The following TP73 variants were observed in gnomAD, a reference collection of about 807,000 sequenced individuals.
TP73 encodes tumor protein p73.
In TP73, 25 loss-of-function variants were observed where a neutral mutation model predicts 62.5. That is an observed-to-expected ratio of 0.40 (90% confidence interval 0.29 to 0.56). The LOEUF (loss-of-function observed/expected upper bound fraction) is 0.56, where lower values mean the gene tolerates loss of function less well. TP73 is among the 20% of genes least tolerant of loss of function. The pLI, the probability that TP73 is intolerant of heterozygous loss-of-function variation, is 0.46. For missense variants in TP73, 754 were observed against 913.3 expected, an observed-to-expected ratio of 0.83 and a Z score of 2.25; for synonymous variants, 423 against 377.5, an observed-to-expected ratio of 1.12 and a Z score of -1.40.
chr1:3,704,400 A>G (rs530419027), intron 3 of TP73, among the ~76,000 whole-genome samples: 1 of 151,552 alleles, frequency 6.6e-6, no homozygotes, highest in African/African-American at 2.4e-5. Flanking sequence ...ACACACCCCC[A>G]CCCTGTGTGG....
intron 4 of TP73, among the ~76,000 whole-genome samples, chr1:3,718,571 G>T (rs1447777301): frequency 7.3e-6 from 1 of 136,624 alleles, no homozygotes; most frequent in Non-Finnish European, 1.6e-5. Flanking sequence ...GGGAGGGGCT[G>T]CAGGGGCCAG....
At chr1:3,678,332 A>G (rs1645420878) in intron 1 of TP73, among the ~76,000 whole-genome samples, 2 of 152,246 alleles carry the variant, frequency 1.3e-5, no homozygotes. Flanking sequence ...GGCAGAGGGC[A>G]CATACTCCCC....
At position 3,727,186 on chromosome 1, in the gene TP73, G is replaced by A. The variant is rs1395870156; in HGVS notation, c.804G>A (p.Arg268=). 4 of 1,612,234 alleles carry A rather than the reference G, an allele frequency of 2.5e-6. No individual in the cohort carries two copies. Among genetic ancestry groups the A allele is most frequent in the South Asian group, 1.1e-5 (1 of 91,078 alleles). ...GCAGCTGTGTAGGGGGCATGAACCG[G>A]CGGCCCATCCTCATCATCATCACCC... ...CNSSCVGGMN[R]RPILIIITLE... is the part of the protein sequence containing the mutation. The change falls in exon 7 of 14, where the codon CGG becomes CGA. Residue 268 remains arginine (R), a synonymous_variant. Coordinates refer to ENST00000378295, the MANE Select transcript of TP73 (RefSeq NM_005427.4).
chr1:3,695,430 C>T (rs560432386), intron 3 of TP73, among the ~76,000 whole-genome samples: 41 of 152,344 alleles, frequency 2.7e-4, no homozygotes, highest in Admixed American at 5.2e-4. Context: ...CCTGTCTCGC[C>T]GCAGGGCCTG....
rs984932956 is a variant in TP73, at chr1:3,734,334, TGA to T, written c.*1257_*1258del. 5 of 152,422 alleles carry T rather than the reference TGA, an allele frequency of 3.3e-5. No homozygotes were observed. The highest frequency in any genetic ancestry group is 1.2e-4 in the African/African-American group (5 of 41,550). The allele number at this position is 152,422 out of a possible 1,614,324, so 9.4% of individuals were successfully genotyped here. ...CCACCTCCATCCACGAGGAGCAGCC[TGA>T]GCCTTGGTGGCCGAACCTTGACCGT... is the stretch of plus-strand genomic sequence containing the variant. On this transcript the variant is annotated 3_prime_UTR_variant, in exon 14 of 14. Coordinates refer to ENST00000378295, the MANE Select transcript of TP73 (RefSeq NM_005427.4). This position sits in a 1 kb window ranked among gnomAD's most constrained non-coding sequence, Gnocchi z 4.4.
At chr1:3,680,948 G>A (rs1190110861) in intron 1 of TP73, among the ~76,000 whole-genome samples, 2 of 152,232 alleles carry the variant, frequency 1.3e-5, no homozygotes, top group African/African-American at 2.4e-5. Context: ...ACTTACAGCC[G>A]TGTGACCTCA....
chr1:3,710,785 TG>T (rs1339616581), intron 4 of TP73, among the ~76,000 whole-genome samples: 2 of 152,284 alleles, frequency 1.3e-5, no homozygotes, highest in Middle Eastern at 3.4e-3. Context: ...TGCACACACG[TG>T]GATACACAAG....
intron 1 of TP73, among the ~76,000 whole-genome samples, chr1:3,676,218 G>C (rs1024027674): frequency 3.3e-5 from 5 of 150,518 alleles, no homozygotes; most frequent in Admixed American, 2.6e-4. Flanking sequence ...ATGGGAGAAG[G>C]AGAGGTCAAA....
chr1:3,724,225 G>A (rs901278083), intron 6 of TP73, among the ~76,000 whole-genome samples: 11 of 152,126 alleles, frequency 7.2e-5, no homozygotes, highest in African/African-American at 2.4e-4. Context: ...GGGATGGTGG[G>A]GCAGGGGCAG....
Position 3,732,852 on chromosome 1 carries a change from C to A in TP73, c.1684C>A (p.Arg562Ser). ...CTACAGCACCGCGCAGCAGCTGCTC[C>A]GCTCTAGCAACGCGGCCACCATCTC... ...HDYSTAQQLL[R>S]SSNAATISIG... Residue 562 changes from arginine (R) to serine (S), a missense_variant, in exon 14 of 14, where the codon CGC (arginine) becomes AGC (serine). Transcript: ENST00000378295. 6.2e-7 allele frequency: 1 copy of A among 1,612,068 alleles called. No individual in the cohort carries two copies. The highest frequency in any genetic ancestry group is 8.5e-7 in the Non-Finnish European group (1 of 1,179,708).
intron 3 of TP73, among the ~76,000 whole-genome samples, chr1:3,684,556 C>T (rs1464220040): frequency 2.6e-5 from 4 of 152,162 alleles, no homozygotes; most frequent in Admixed American, 2.0e-4. Context: ...CCAGTCAGAA[C>T]GAACAGAGTG....
chr1:3,679,072 C>T (rs1270180843), intron 1 of TP73, among the ~76,000 whole-genome samples: 1 of 152,198 alleles, frequency 6.6e-6, no homozygotes, highest in African/African-American at 2.4e-5. Context: ...GGATGAGAGG[C>T]CAAGCTGGTG....
intron 1 of TP73, among the ~76,000 whole-genome samples, chr1:3,674,783 C>A (rs1382136511): frequency 6.6e-6 from 1 of 152,198 alleles, no homozygotes. Flanking sequence ...ACAGAGGGCC[C>A]CAGGAGGCTG....
intron 4 of TP73, among the ~76,000 whole-genome samples, chr1:3,709,899 C>A (rs886518251): frequency 1.3e-5 from 2 of 152,176 alleles, no homozygotes; most frequent in East Asian, 1.9e-4. Context: ...CTGAGCTGAT[C>A]CTCATGGAAG....
chr1:3,693,871 ACCCATGCAGCCTCC>A lies in TP73; in HGVS notation c.186+10692_186+10705del, dbSNP rs1638347951. 8.8e-5 allele frequency among the ~76,000 whole-genome samples: 3 copies of A among 34,008 alleles called. 1 individual carries two copies. Among genetic ancestry groups the A allele is most frequent in the Non-Finnish European group, 2.5e-4 (3 of 11,876 alleles). 22.3% of individuals were successfully genotyped at this position (34,008 alleles called of 152,430 possible). On this transcript the variant is annotated intron_variant, in intron 3 of 13. Coordinates refer to ENST00000378295, the MANE Select transcript of TP73 (RefSeq NM_005427.4). ...CCTCAGCTCCTCCTCCCACAATCCC[ACCCATGCAGCCTCC>A]GCCCCTCCTCCCGCAATCCCAGCCC...
At chr1:3,668,334 ATCCGTGCTGTCCAC>A (rs1222699772) in intron 1 of TP73, among the ~76,000 whole-genome samples, 4 of 152,112 alleles carry the variant, frequency 2.6e-5, no homozygotes, top group Non-Finnish European at 4.4e-5. Context: ...CTAGACACAC[ATCCGTGCTGTCCAC>A]TCCGTGCTGC....
rs540153893 is a variant in TP73 at position 3,699,384 on chromosome 1, T to A, written c.187-8165T>A. ...GCATACTCTCAAAAAACCACAACAG[T>A]CTGGTCTCAATATTCTCCAGGGAAC... On this transcript the variant is annotated intron_variant, in intron 3 of 13. Coordinates refer to ENST00000378295, the MANE Select transcript of TP73 (RefSeq NM_005427.4). This position sits in a 1 kb window ranked among gnomAD's most constrained non-coding sequence, Gnocchi z 4.1. 5.3e-5 allele frequency among the ~76,000 whole-genome samples: 8 copies of A among 152,088 alleles called. No individual in the cohort carries two copies. In the East Asian group the frequency reaches 1.5e-3, roughly 29 times the overall value.
intron 1 of TP73, among the ~76,000 whole-genome samples, chr1:3,664,933 T>C (rs372205337): frequency 6.6e-6 from 1 of 152,184 alleles, no homozygotes; most frequent in Non-Finnish European, 1.5e-5. Flanking sequence ...ATCCTCTCTT[T>C]ATGGTCCTCG....
intron 2 of TP73, among the ~76,000 whole-genome samples, chr1:3,682,744 G>A (rs1004751622): frequency 6.6e-6 from 1 of 152,216 alleles, no homozygotes; most frequent in African/African-American, 2.4e-5. Context: ...GCAGGGAAGA[G>A]GGACTGCTGC....
Sources: gnomAD v4.1 joint callset for allele counts (sites outside exome capture counted in the v4.1 genomes callset) on GRCh38, gnomAD v4.1.1 for gene constraint, Gnocchi (gnomAD v3.1) non-coding constraint, MANE v1.5 for transcripts, NCBI Gene and HGNC (gene_info 2026-07-23, HGNC 2026-07-21) for gene names.